PTPRH: variants seen among roughly 807,000 people sequenced by gnomAD.
PTPRH encodes the protein protein tyrosine phosphatase receptor type H, also known as receptor-type tyrosine-protein phosphatase H.
Under a neutral mutation model 130.2 loss-of-function variants are expected in PTPRH, and 113 were observed. That is an observed-to-expected ratio of 0.87 (90% CI 0.75 to 1.01). The LOEUF is 1.01. PTPRH is among the 50% of genes least tolerant of loss of function. The pLI, the probability that PTPRH is intolerant of heterozygous loss-of-function variation, is 0.00. For missense variants in PTPRH, 1,430 were observed against 1,425.0 expected (o/e 1.00, Z -0.06); for synonymous variants, 556 against 577.9 (o/e 0.96, Z 0.54).
chr19:55,197,709 T>A (rs901680507), intron 8 of PTPRH, among the ~76,000 whole-genome samples: 1 of 152,128 alleles, frequency 6.6e-6, no homozygotes, highest in East Asian at 1.9e-4. Context: ...GGCTATGGAT[T>A]CTCTGTATCG....
At chr19:55,196,934 G>A (rs920361483) in intron 9 of PTPRH, 146 bp from the exon 10 acceptor site, 144 of 1,238,858 alleles carry the variant, frequency 1.2e-4, no homozygotes, top group Middle Eastern at 5.1e-4. Context: ...TGTCCTCCCC[G>A]AATGGACACA....
chr19:55,197,581 G>A (rs2086727656), intron 8 of PTPRH, among the ~76,000 whole-genome samples, 165 bp from the exon 9 acceptor site: 1 of 152,180 alleles, frequency 6.6e-6, no homozygotes, highest in Non-Finnish European at 1.5e-5. Flanking sequence ...AGACCATGGG[G>A]ACCAGAATCT....
At chr19:55,191,451 C>T in intron 12 of PTPRH, 50 bp downstream of exon 12, 2 of 1,605,662 alleles carry the variant, frequency 1.2e-6, no homozygotes, top group Non-Finnish European at 8.5e-7. Context: ...GCAAACACCC[C>T]TTGATTTGAC....
At chr19:55,189,451 GTCTC>G (rs1279497687) in intron 12 of PTPRH, among the ~76,000 whole-genome samples, 1 of 152,150 alleles carries the variant, frequency 6.6e-6, no homozygotes, top group Non-Finnish European at 1.5e-5. Flanking sequence ...CCCCACTGAC[GTCTC>G]TCTGACCTCA....
chr19:55,203,973 T>C lies in PTPRH; in HGVS notation c.695A>G (p.Asp232Gly). 6.2e-7 allele frequency: 1 copy of C among 1,614,166 alleles called. No homozygotes were observed. Among genetic ancestry groups the C allele is most frequent in the Non-Finnish European group, 8.5e-7 (1 of 1,180,018 alleles). Reference sequence around the variant, plus strand: ...GGTCGAGTTCTGTGGGTCTGTGCCATCGGGGACCTCCCAGCTCAGGGAGAT... The same window carrying C: ...GGTCGAGTTCTGTGGGTCTGTGCCACCGGGGACCTCCCAGCTCAGGGAGAT... ...SSISLSWEVPDGTDPQNSTYC... is the reference protein window; with the variant it reads ...SSISLSWEVPGGTDPQNSTYC... The change falls in exon 5 of 20, where the codon GAT (aspartate) becomes GGT (glycine). Residue 232 changes from aspartate to glycine, a missense_variant. Transcript: ENST00000376350.
At chr19:55,189,113 G>A (rs1322083784) in intron 12 of PTPRH, among the ~76,000 whole-genome samples, 1 of 152,126 alleles carries the variant, frequency 6.6e-6, no homozygotes, top group African/African-American at 2.4e-5. Context: ...TGCCTCCTGC[G>A]TAGCTGGGAT....
chr19:55,181,765 A>G lies in PTPRH; in HGVS notation c.3337T>C (p.Leu1113=). 1 of 1,613,928 alleles carries G rather than the reference A, an allele frequency of 6.2e-7. No homozygotes were observed. Among genetic ancestry groups the G allele is most frequent in the Non-Finnish European group, 8.5e-7 (1 of 1,179,978 alleles). Reference sequence around the variant, plus strand: ...AGCCCCCTCGTCACTTAGACCTCCAACTTGTGGGCCTGGATGGCGGCCACG... The same window carrying G: ...AGCCCCCTCGTCACTTAGACCTCCAGCTTGTGGGCCTGGATGGCGGCCACG... ...ENVAAIQAHK[L]EV is the part of the protein sequence containing the mutation. Residue 1113 remains leucine (L), a synonymous_variant, in exon 20 of 20, where the codon TTG becomes CTG. Coordinates refer to ENST00000376350, the MANE Select transcript of PTPRH (RefSeq NM_002842.5).
At chr19:55,182,540 A>G (rs3760867) in intron 18 of PTPRH, among the ~76,000 whole-genome samples, 15,216 of 152,014 alleles carry the variant, frequency 0.1, 859 homozygotes, top group East Asian at 0.2. Flanking sequence ...CAACAACAAC[A>G]ACAACAACAA....
intron 1 of PTPRH, 55 bp from the exon 2 acceptor site, chr19:55,207,254 T>C: frequency 6.3e-7 from 1 of 1,585,438 alleles, no homozygotes; most frequent in Non-Finnish European, 8.6e-7. Context: ...CTCCGCCCAG[T>C]GAGGCCGAGG....
intron 4 of PTPRH, 47 bp from the exon 5 acceptor site, chr19:55,204,095 A>G (rs775379389): frequency 1.3e-6 from 2 of 1,524,946 alleles, no homozygotes; most frequent in Admixed American, 2.0e-5. Flanking sequence ...ACTACAGAAC[A>G]TAACGGGGGC....
At position 55,201,364 on chromosome 19, in the gene PTPRH, G is replaced by A. The variant is rs534842972; in HGVS notation, c.1153+692C>T. Among the ~76,000 whole-genome samples, 17 of 152,290 alleles carry A rather than the reference G, an allele frequency of 1.1e-4. No individual in the cohort carries two copies. In the South Asian group the frequency reaches 1.7e-3, roughly 15 times the overall value. ...TGCACTCCAGCCTGGATGACAAAGC[G>A]AGACTCCAGCTCTAAAAAAAAGAAA... On this transcript the variant is annotated intron_variant, in intron 6 of 19. Transcript: ENST00000376350.
chr19:55,190,071 TAGA>T (rs1568899400), intron 12 of PTPRH, among the ~76,000 whole-genome samples: 1 of 152,026 alleles, frequency 6.6e-6, no homozygotes, highest in Non-Finnish European at 1.5e-5. Flanking sequence ...ATTTTCACAT[TAGA>T]AGAATATCAA....
In PTPRH at chr19:55,196,781, G is replaced by A. The variant is rs2086695147; in HGVS notation, c.1998C>T (p.Asp666=). 2 of 1,611,254 alleles carry A rather than the reference G, an allele frequency of 1.2e-6. No homozygotes were observed. The highest frequency in any genetic ancestry group is 2.7e-5 in the African/African-American group (2 of 74,882). ...TQSLCASTYP[D]TVTITSCVST... is the part of the protein sequence containing the mutation. ...TGACACAGGAAGTGATGGTGACTGT[G>A]TCTGGGTCTGGGTGAAGGAAGCAAG... The change falls in exon 10 of 20, where the codon GAC becomes GAT. Residue 666 remains aspartate (D), a synonymous_variant. Transcript: ENST00000376350.
At position 55,197,393 on chromosome 19, in the gene PTPRH, G is replaced by T. The variant is rs61734206; in HGVS notation, c.1714C>A (p.Gln572Lys). ...GAGTTCTTAGTCTGAGTTTCATTCTGGAGATCTGTGACCTCATTGGGAGCT... is the reference window on the plus strand; with the variant it reads ...GAGTTCTTAGTCTGAGTTTCATTCTTGAGATCTGTGACCTCATTGGGAGCT... ...ATAPNEVTDLQNETQTKNSVM... is the reference protein window; with the variant it reads ...ATAPNEVTDLKNETQTKNSVM... The change falls in exon 9 of 20, where the codon CAG (glutamine) becomes AAG (lysine). Residue 572 changes from glutamine to lysine, a missense_variant. Transcript: ENST00000376350. 3.5e-3 allele frequency: 5,694 copies of T among 1,613,354 alleles called. 17 individuals are homozygous for T. Among genetic ancestry groups the T allele is most frequent in the Non-Finnish European group, 4.5e-3 (5,249 of 1,179,302 alleles).
At chr19:55,189,441 C>A (rs193217390) in intron 12 of PTPRH, among the ~76,000 whole-genome samples, 1 of 152,354 alleles carries the variant, frequency 6.6e-6, no homozygotes, top group East Asian at 1.9e-4. Context: ...CCTGCTGTGG[C>A]CCCACTGACG....
intron 12 of PTPRH, among the ~76,000 whole-genome samples, chr19:55,189,451 G>A (rs1483883964): frequency 2.6e-5 from 4 of 152,150 alleles, no homozygotes; most frequent in East Asian, 1.9e-4. Context: ...CCCCACTGAC[G>A]TCTCTCTGAC....
chr19:55,206,728 C>A lies in PTPRH; in HGVS notation c.313G>T (p.Gly105Ter). The A allele has an allele frequency of 6.2e-7, 1 of 1,612,622 alleles. No homozygotes were observed. The highest frequency in any genetic ancestry group is 1.3e-5 in the African/African-American group (1 of 75,006). ...YTCSVWVEKD[G>*]VNSSVGTVTT... ...ACAGTCCCCACAGAGCTATTTACTC[C>A]GTCTTTCTCCACCCACACAGAACAC... The change falls in exon 3 of 20, where the codon GGA (glycine) becomes TGA (stop). Residue 105 changes from glycine (G) to a stop codon, truncating the protein, a stop_gained. Transcript: ENST00000376350. LOFTEE classifies it high-confidence loss of function.
chr19:55,203,184 A>G (rs1485580132), intron 5 of PTPRH, among the ~76,000 whole-genome samples: 2 of 151,330 alleles, frequency 1.3e-5, no homozygotes, highest in Admixed American at 6.6e-5. Flanking sequence ...AAAATTAGCC[A>G]GGTGTGGCGG....
At chr19:55,201,581 C>A (rs559646415) in intron 6 of PTPRH, among the ~76,000 whole-genome samples, 1 of 152,322 alleles carries the variant, frequency 6.6e-6, no homozygotes, top group African/African-American at 2.4e-5. Context: ...TTAATAGCCA[C>A]GTGTGGCTAG....
Sources: gnomAD v4.1 joint callset for allele counts (sites outside exome capture counted in the v4.1 genomes callset) on GRCh38, gnomAD v4.1.1 for gene constraint, MANE v1.5 for transcripts, NCBI Gene and HGNC (gene_info 2026-07-23, HGNC 2026-07-21) for gene names.